Variants in ANKRD24 observed in about 807,000 individuals in gnomAD.
ANKRD24 encodes ankyrin repeat domain 24, also known as ankyrin repeat domain-containing protein 24.
Under a neutral mutation model 127.8 loss-of-function variants are expected in ANKRD24, and 109 were observed. The observed-to-expected ratio is 0.85, with a 90% CI of 0.73 to 1.00. ANKRD24 has a LOEUF of 1.00. ANKRD24 is among the 50% of genes least tolerant of loss of function. ANKRD24 has a pLI of 0.00. For synonymous variants in ANKRD24, 743 were observed against 671.1 expected (o/e 1.11, Z -1.66); for missense variants, 1,648 against 1,570.2 (o/e 1.05, Z -0.84).
chr19:4,218,170 A>C lies in ANKRD24; in HGVS notation c.3003+7A>C. 6.8e-7 allele frequency: 1 copy of C among 1,465,104 alleles called. No individual in the cohort carries two copies. Among genetic ancestry groups the C allele is most frequent in the Non-Finnish European group, 9.0e-7 (1 of 1,106,184 alleles). The allele number at this position is 1,465,104 out of a possible 1,614,324, so 90.8% of individuals were successfully genotyped here. A position where few individuals can be genotyped will look rare whatever the true frequency, so the allele number is the denominator to read the frequency against. The stretch of plus-strand genomic sequence containing the variant: ...CAGCGCAGAGGTCTTCCAGGTGAGC[A>C]GGGCTGGTCACCACCCGGGCCCCAC... On this transcript the variant is annotated splice_region_variant and intron_variant, in intron 18 of 21. Transcript: ENST00000318934.
intron 9 of ANKRD24, 86 bp from the exon 10 acceptor site, chr19:4,207,695 C>G: frequency 1.1e-5 from 18 of 1,593,404 alleles, no homozygotes; most frequent in Non-Finnish European, 1.5e-5. Context: ...AGCCAGCCTC[C>G]TCTTCCCAGC....
chr19:4,202,689 G>A (rs1029271120), intron 6 of ANKRD24, among the ~76,000 whole-genome samples, 180 bp from the exon 7 acceptor site: 3 of 152,130 alleles, frequency 2.0e-5, no homozygotes, highest in Non-Finnish European at 4.4e-5. Flanking sequence ...CAAATTCTCA[G>A]CTGCTTCTCA....
Position 4,218,009 on chromosome 19 carries a change from TGC to T in ANKRD24, c.2855_2856del (p.Ala952GlyfsTer41). 4.5e-6 allele frequency: 7 copies of T among 1,544,284 alleles called. No homozygotes were observed. The highest frequency in any genetic ancestry group is 6.1e-6 in the Non-Finnish European group (7 of 1,152,474). ...GCCACGGGCAAGGAGGCCGCCCGGC[TGC>T]GCGCGGAGCTGGAGCGGGAGCGTGT... is the stretch of plus-strand genomic sequence containing the variant. On this transcript the variant is annotated frameshift_variant, in exon 18 of 22. Transcript: ENST00000318934. LOFTEE classifies it high-confidence loss of function.
rs1258184472 is a variant in ANKRD24 at position 4,195,253 on chromosome 19, T to C, written c.37-4430T>C. ...ACGCCCGGCTAATTTTTTGTATTTT[T>C]AGTAGAGACGGGGTTTTGCCACGTT... On this transcript the variant is annotated intron_variant, in intron 2 of 21. Transcript: ENST00000318934. This position sits in a 1 kb window ranked among gnomAD's most constrained non-coding sequence, Gnocchi z 4.2. Among the ~76,000 whole-genome samples, 1 of 151,914 alleles carries C rather than the reference T, an allele frequency of 6.6e-6. No homozygotes were observed. The highest frequency in any genetic ancestry group is 2.4e-5 in the African/African-American group (1 of 41,372).
intron 6 of ANKRD24, 115 bp from the exon 7 acceptor site, chr19:4,202,754 G>T (rs1448934345): frequency 1.8e-6 from 2 of 1,081,094 alleles, no homozygotes; most frequent in Non-Finnish European, 2.8e-6. Flanking sequence ...GTCCCTTGGG[G>T]GCCACGGAAG....
intron 15 of ANKRD24, among the ~76,000 whole-genome samples, chr19:4,213,456 C>CTTT (rs769606619): frequency 1.3e-4 from 15 of 118,656 alleles, no homozygotes; most frequent in Admixed American, 3.4e-4. Context: ...ATCCTTCCTT[C>CTTT]TTTTTTTTTT....
chr19:4,184,482 C>G (rs746977445), intron 1 of ANKRD24, among the ~76,000 whole-genome samples: 8 of 152,228 alleles, frequency 5.3e-5, no homozygotes, highest in Non-Finnish European at 1.0e-4. Context: ...TTCCCACTTG[C>G]CGGCCTGTGC....
chr19:4,204,804 G>A (rs1473998592), intron 7 of ANKRD24, among the ~76,000 whole-genome samples: 1 of 152,166 alleles, frequency 6.6e-6, no homozygotes, highest in Non-Finnish European at 1.5e-5. Context: ...CAATGCTTCT[G>A]GTCACAATAT....
intron 19 of ANKRD24, among the ~76,000 whole-genome samples, chr19:4,221,767 G>A (rs1970455327): frequency 6.6e-6 from 1 of 152,154 alleles, no homozygotes; most frequent in Non-Finnish European, 1.5e-5. Context: ...TTGCAGTTAG[G>A]ATGATGGTTT....
intron 7 of ANKRD24, among the ~76,000 whole-genome samples, chr19:4,205,086 A>T (rs1480088668): frequency 6.6e-6 from 1 of 152,172 alleles, no homozygotes; most frequent in African/African-American, 2.4e-5. Context: ...ACAATGCAAA[A>T]AATTAGCCAG....
At position 4,217,627 on chromosome 19, in the gene ANKRD24, C is replaced by A; in HGVS notation, c.2467C>A (p.Leu823Met). The change falls in exon 18 of 22, where the codon CTG (leucine) becomes ATG (methionine). Residue 823 changes from leucine (L) to methionine (M), a missense_variant. Transcript: ENST00000318934. ...CCTGGATGAGGCTCGGGCCAGCCGG[C>A]TGCTGGCGGAGGAGGAGGCGCGGGG... ...ACLDEARASR[L>M]LAEEEARGLR... 1 of 1,286,386 alleles carries A rather than the reference C, an allele frequency of 7.8e-7. No homozygotes were observed. The highest frequency in any genetic ancestry group is 2.4e-5 in the South Asian group (1 of 41,924). 79.7% of individuals were successfully genotyped at this position (1,286,386 alleles called of 1,614,324 possible).
chr19:4,223,073 G>A (rs553293017), intron 20 of ANKRD24, among the ~76,000 whole-genome samples: 52 of 151,830 alleles, frequency 3.4e-4, no homozygotes, highest in African/African-American at 1.3e-3. Flanking sequence ...AGCGTCCTGC[G>A]TAGCTGGAAT....
intron 5 of ANKRD24, among the ~76,000 whole-genome samples, chr19:4,200,944 G>A (rs1969064073): frequency 6.6e-6 from 1 of 152,174 alleles, no homozygotes; most frequent in South Asian, 2.1e-4. Context: ...CGAGATAAAG[G>A]AAGTGACTGA....
chr19:4,198,474 C>T lies in ANKRD24; in HGVS notation c.37-1209C>T, dbSNP rs1443435668. 2 of 619,022 alleles carry T rather than the reference C, an allele frequency of 3.2e-6. No homozygotes were observed. Among genetic ancestry groups the T allele is most frequent in the African/African-American group, 1.9e-5 (1 of 52,436 alleles). The allele number at this position is 619,022 out of a possible 1,614,324, so 38.3% of individuals were successfully genotyped here. A position where few individuals can be genotyped will look rare whatever the true frequency, so the allele number is the denominator to read the frequency against. On this transcript the variant is annotated intron_variant, in intron 2 of 21. Transcript: ENST00000318934. The surrounding 1 kb of genome is among the most constrained non-coding windows in gnomAD (Gnocchi z 6.1). ...CTCTTGGAACCCCGTGCGCCCCCCG[C>T]GCCCCGCGCCCCGGACGCCATGAAG...
rs749893267 is a variant in ANKRD24 at position 4,212,552 on chromosome 19, C to A, written c.1098+39C>A. 5 of 1,547,850 alleles carry A rather than the reference C, an allele frequency of 3.2e-6. No individual in the cohort carries two copies. In the African/African-American group the frequency reaches 6.9e-5, roughly 21 times the overall value. On this transcript the variant is annotated intron_variant, in intron 14 of 21. Transcript: ENST00000318934. The stretch of plus-strand genomic sequence containing the variant: ...TGGGGAGGAGCCGGTCCTCCTGCTG[C>A]CCAGCCTTTCCTCCCAGAGGCAGCT...
At chr19:4,185,576 C>T (rs913544208) in intron 1 of ANKRD24, among the ~76,000 whole-genome samples, 3 of 152,200 alleles carry the variant, frequency 2.0e-5, no homozygotes, top group Non-Finnish European at 4.4e-5. Flanking sequence ...CCGTGCCTGC[C>T]CATGCGGAAC....
At chr19:4,185,567 C>G (rs117519898) in intron 1 of ANKRD24, among the ~76,000 whole-genome samples, 1 of 152,222 alleles carries the variant, frequency 6.6e-6, no homozygotes, top group African/African-American at 2.4e-5. Flanking sequence ...GCCTGACCTC[C>G]GTGCCTGCCC....
Position 4,223,401 on chromosome 19 carries a change from A to AT in ANKRD24, c.3297+625dup, listed in dbSNP as rs1173862080. Among the ~76,000 whole-genome samples, 284 of 53,320 alleles carry AT rather than the reference A, an allele frequency of 5.3e-3. 10 individuals are homozygous for AT. The highest frequency in any genetic ancestry group is 9.6e-3 in the African/African-American group (101 of 10,488). 35.0% of individuals were successfully genotyped at this position (53,320 alleles called of 152,430 possible). A position where few individuals can be genotyped will look rare whatever the true frequency, so the allele number is the denominator to read the frequency against. Reference sequence around the variant, plus strand: ...TATATATATATATATATATATATATATTTTTTTTTTTTTTTTTTTGAGCCA... The same window carrying AT: ...TATATATATATATATATATATATATATTTTTTTTTTTTTTTTTTTTGAGCCA... On this transcript the variant is annotated intron_variant, in intron 20 of 21. Transcript: ENST00000318934.
At position 4,216,971 on chromosome 19, in the gene ANKRD24, C is replaced by A. The variant is rs748548984; in HGVS notation, c.1811C>A (p.Ala604Asp). The change falls in exon 18 of 22, where the codon GCT becomes GAT. Residue 604 changes from alanine to aspartate, a missense_variant. Physicochemically the swap from Ala to Asp is moderately radical, Grantham distance 126. Transcript: ENST00000318934. ...AKVTETKPTG[A>D]EVREMETTEE... ...GTCACAGAAACAAAACCCACAGGGG[C>A]TGAGGTCAGAGAAATGGAGACCACA... 6.2e-7 allele frequency: 1 copy of A among 1,612,804 alleles called. No individual in the cohort carries two copies. Among genetic ancestry groups the A allele is most frequent in the Non-Finnish European group, 8.5e-7 (1 of 1,179,520 alleles).
Sources: gnomAD v4.1 joint callset for allele counts (sites outside exome capture counted in the v4.1 genomes callset) on GRCh38, gnomAD v4.1.1 for gene constraint, Gnocchi (gnomAD v3.1) non-coding constraint, MANE v1.5 for transcripts, NCBI Gene and HGNC (gene_info 2026-07-23, HGNC 2026-07-21) for gene names.